The following LCP1 variants were observed in gnomAD, a reference collection of about 807,000 sequenced individuals.
The protein encoded by LCP1 is plastin-2.
LCP1 carries 23 observed loss-of-function variants against 72.0 expected under a neutral mutation model. That is an observed-to-expected ratio of 0.32 (90% CI 0.23 to 0.45). The LOEUF is 0.45. LCP1 is among the 20% of genes least tolerant of loss of function. The probability of loss-of-function intolerance (pLI) is 1.00; values close to 1 mark genes in which losing one functional copy is unlikely to be tolerated. For synonymous variants in LCP1, 245 were observed against 275.4 expected (o/e 0.89, Z 1.09); for missense variants, 571 against 748.3 (o/e 0.76, Z 2.76).
chr13:46,143,123 T>C (rs979403032), intron 12 of LCP1, among the ~76,000 whole-genome samples, 167 bp downstream of exon 12: 3 of 152,224 alleles, frequency 2.0e-5, no homozygotes, highest in Admixed American at 1.3e-4. Context: ...ACTGAAATAA[T>C]GGACACACTT....
Position 46,126,038 on chromosome 13 carries a change from G to A in LCP1, c.*1553C>T. 1 of 207,870 alleles carries A rather than the reference G, an allele frequency of 4.8e-6. No homozygotes were observed. Among genetic ancestry groups the A allele is most frequent in the Non-Finnish European group, 9.8e-6 (1 of 101,674 alleles). 12.9% of individuals were successfully genotyped at this position (207,870 alleles called of 1,614,324 possible). ...AGGGGGGAAATCATCTGAGGCTACA[G>A]TAAGTTCAATCTGAAGTCAAAACCA... On this transcript the variant is annotated 3_prime_UTR_variant, in exon 16 of 16. Transcript: ENST00000323076.
chr13:46,152,709 C>T, intron 7 of LCP1, 71 bp downstream of exon 7: 2 of 1,474,240 alleles, frequency 1.4e-6, no homozygotes, highest in African/African-American at 1.4e-5. Context: ...CTGACATCTT[C>T]CTCCTACAGT....
chr13:46,150,983 C>T lies in LCP1; in HGVS notation c.835G>A (p.Glu279Lys), dbSNP rs2045760091. 1 of 1,613,974 alleles carries T rather than the reference C, an allele frequency of 6.2e-7. No individual in the cohort carries two copies. The highest frequency in any genetic ancestry group is 1.3e-5 in the African/African-American group (1 of 75,036). Residue 279 changes from glutamate to lysine, a missense_variant, in exon 8 of 16, where the codon GAA becomes AAA. Coordinates refer to ENST00000323076, the MANE Select transcript of LCP1 (RefSeq NM_002298.5). ...CCAATTTTGTTGCAGCCTGCATTTT[C>T]CAGGTGGTAATTAGCCCACCTCAGC... ...LLLRWANYHL[E>K]NAGCNKIGNF...
At position 46,142,355 on chromosome 13, in the gene LCP1, C is replaced by A. The variant is rs1341812865; in HGVS notation, c.1439G>T (p.Gly480Val). The change falls in exon 13 of 16, where the codon GGA becomes GTA. Residue 480 changes from glycine to valine, a missense_variant. By Grantham distance (109) the Gly-to-Val change is moderately radical. Coordinates refer to ENST00000323076, the MANE Select transcript of LCP1 (RefSeq NM_002298.5). ...QAKFSLVGIG[G>V]QDLNEGNRTL... ...GCGGTTTCCTTCATTGAGATCTTGT[C>A]CACCGATGCCAACCAGGGAGAACTT... 6.2e-7 allele frequency: 1 copy of A among 1,614,010 alleles called. No homozygotes were observed. The highest frequency in any genetic ancestry group is 8.5e-7 in the Non-Finnish European group (1 of 1,179,958).
At chr13:46,141,317 A>T (rs1381358545) in intron 13 of LCP1, among the ~76,000 whole-genome samples, 2 of 150,134 alleles carry the variant, frequency 1.3e-5, no homozygotes, top group East Asian at 3.9e-4. Context: ...GAGGCAGGAG[A>T]ATCACTTGGA....
chr13:46,160,335 G>A (rs1287908847), intron 1 of LCP1, among the ~76,000 whole-genome samples: 1 of 152,174 alleles, frequency 6.6e-6, no homozygotes, highest in Non-Finnish European at 1.5e-5. Flanking sequence ...GACAAAACGA[G>A]TGATGTCTTA....
At chr13:46,134,441 T>C (rs969471793) in intron 13 of LCP1, among the ~76,000 whole-genome samples, 191 bp from the exon 14 acceptor site, 1 of 152,158 alleles carries the variant, frequency 6.6e-6, no homozygotes, top group Non-Finnish European at 1.5e-5. Flanking sequence ...CGTGACTTTA[T>C]GGCTAGTATA....
chr13:46,142,743 A>T, intron 12 of LCP1: 2 of 487,800 alleles, frequency 4.1e-6, no homozygotes, highest in South Asian at 1.5e-5. Context: ...ATTTCTAAAA[A>T]AGGTGAATTC....
chr13:46,162,312 C>T (rs925257324), intron 1 of LCP1, among the ~76,000 whole-genome samples: 8 of 143,264 alleles, frequency 5.6e-5, no homozygotes, highest in African/African-American at 1.9e-4. Context: ...CCACGGTCTC[C>T]CTCTCCCTCT....
chr13:46,154,693 A>C, intron 6 of LCP1, 112 bp downstream of exon 6: 1 of 809,896 alleles, frequency 1.2e-6, no homozygotes, highest in East Asian at 2.5e-5. Context: ...ACCAGCCCAA[A>C]GCCTGGGTTT....
intron 5 of LCP1, 143 bp from the exon 6 acceptor site, chr13:46,155,029 G>A (rs377220401): frequency 2.4e-5 from 16 of 663,424 alleles, no homozygotes; most frequent in African/African-American, 9.1e-5. Context: ...CAGTTATGCC[G>A]TTTGACTAGA....
chr13:46,126,469 GTGTA>G lies in LCP1; in HGVS notation c.*1118_*1121del, dbSNP rs1364762512. ...GCCCTTGACAGCTGGCTAGGTGTGT[GTGTA>G]TGTGAGTAGGGGTGCTATTGATTGG... On this transcript the variant is annotated 3_prime_UTR_variant, in exon 16 of 16. Transcript: ENST00000323076. 8.6e-6 allele frequency: 2 copies of G among 232,682 alleles called. No individual in the cohort carries two copies. Among genetic ancestry groups the G allele is most frequent in the African/African-American group, 4.4e-5 (2 of 45,302 alleles). The allele number at this position is 232,682 out of a possible 1,614,324, so 14.4% of individuals were successfully genotyped here.
chr13:46,158,735 G>A, intron 3 of LCP1, 84 bp from the exon 4 acceptor site: 1 of 1,602,468 alleles, frequency 6.2e-7, no homozygotes, highest in Non-Finnish European at 8.5e-7. Flanking sequence ...TCGAAGCAAG[G>A]AGGTAAGGAA....
At chr13:46,166,384 C>T (rs2045876657) in intron 1 of LCP1, among the ~76,000 whole-genome samples, 1 of 152,150 alleles carries the variant, frequency 6.6e-6, no homozygotes, top group Non-Finnish European at 1.5e-5. Flanking sequence ...TATACTGATG[C>T]TGAATCATAT....
intron 1 of LCP1, among the ~76,000 whole-genome samples, chr13:46,167,219 A>G (rs1402093625): frequency 1.3e-5 from 2 of 152,134 alleles, no homozygotes; most frequent in African/African-American, 4.8e-5. Context: ...ATAAACACTT[A>G]TGGGAAGCTA....
chr13:46,162,800 C>T (rs1299684101), intron 1 of LCP1, among the ~76,000 whole-genome samples: 2 of 152,162 alleles, frequency 1.3e-5, no homozygotes, highest in African/African-American at 2.4e-5. Context: ...CCCGCCGCCC[C>T]GTCTGGGATG....
chr13:46,157,186 T>C (rs1379295893), intron 4 of LCP1, among the ~76,000 whole-genome samples: 4 of 151,386 alleles, frequency 2.6e-5, no homozygotes, highest in African/African-American at 9.7e-5. Flanking sequence ...GAAGCAAATA[T>C]ATACATATGT....
intron 10 of LCP1, among the ~76,000 whole-genome samples, chr13:46,145,053 G>A (rs540347456): frequency 6.6e-6 from 1 of 152,258 alleles, no homozygotes; most frequent in East Asian, 1.9e-4. Flanking sequence ...GGGAGCAACA[G>A]GCAAGGTCTC....
At chr13:46,150,815 G>T (rs2138247624) in intron 8 of LCP1, 121 bp downstream of exon 8, 2 of 1,122,096 alleles carry the variant, frequency 1.8e-6, no homozygotes, top group Non-Finnish European at 2.6e-6. Context: ...CTCCAAAACA[G>T]CACCAGACTA....
Sources: allele counts gnomAD v4.1 joint callset (sites outside exome capture counted in the v4.1 genomes callset), GRCh38; gene constraint gnomAD v4.1.1; transcripts MANE v1.5; gene names NCBI Gene and HGNC (gene_info 2026-07-23, HGNC 2026-07-21).